NSMCE2: variants seen among roughly 807,000 people sequenced by gnomAD.
The protein encoded by NSMCE2 is E3 SUMO-protein ligase NSE2.
In NSMCE2, 24 loss-of-function variants were observed where a neutral mutation model predicts 23.8. That is an observed-to-expected ratio of 1.01 (90% CI 0.73 to 1.42). NSMCE2 has a LOEUF of 1.42. NSMCE2 is among the 40% of genes most tolerant of loss of function. The probability of loss-of-function intolerance (pLI) is 0.00; values close to 1 mark genes in which losing one functional copy is unlikely to be tolerated. For synonymous variants in NSMCE2, 92 were observed against 94.1 expected (o/e 0.98, Z 0.13); for missense variants, 284 against 296.5 (o/e 0.96, Z 0.31).
chr8:125,105,329 A>T (rs563727141), intron 3 of NSMCE2, among the ~76,000 whole-genome samples: 1 of 152,154 alleles, frequency 6.6e-6, no homozygotes, highest in East Asian at 1.9e-4. Context: ...TTTAGCTTTG[A>T]TAGATAGGCC....
intron 3 of NSMCE2, among the ~76,000 whole-genome samples, chr8:125,120,338 C>A (rs1243634385): frequency 6.6e-6 from 1 of 152,162 alleles, no homozygotes; most frequent in South Asian, 2.1e-4. Flanking sequence ...TCAAACCAGT[C>A]GGTAAAACGA....
chr8:125,271,841 T>C (rs1360715315), intron 5 of NSMCE2, among the ~76,000 whole-genome samples: 1 of 152,208 alleles, frequency 6.6e-6, no homozygotes, highest in Non-Finnish European at 1.5e-5. Flanking sequence ...CTTAGCACTT[T>C]ATATCTTCAA....
In NSMCE2 at chr8:125,196,285, G is replaced by A. The variant is rs1823615855; in HGVS notation, c.418+14029G>A. Reference sequence around the variant, plus strand: ...TGTTACATAGGTATACATGTGCCATGTTGGTTTGCTGCACCCATCAACTCG... The same window carrying A: ...TGTTACATAGGTATACATGTGCCATATTGGTTTGCTGCACCCATCAACTCG... On this transcript the variant is annotated intron_variant, in intron 5 of 7. Transcript: ENST00000287437. Among the ~76,000 whole-genome samples the A allele has an allele frequency of 2.0e-5, 3 of 150,102 alleles. No individual in the cohort carries two copies. The South Asian group carries it at 6.3e-4, about 31-fold the overall frequency.
chr8:125,140,903 C>T (rs778085859), intron 3 of NSMCE2, among the ~76,000 whole-genome samples: 22 of 152,094 alleles, frequency 1.4e-4, no homozygotes, highest in Non-Finnish European at 2.8e-4. Context: ...TTCAGTCTAC[C>T]AGAGATTAGA....
At chr8:125,122,589 G>T (rs937031589) in intron 3 of NSMCE2, among the ~76,000 whole-genome samples, 5 of 151,984 alleles carry the variant, frequency 3.3e-5, no homozygotes, top group African/African-American at 9.7e-5. Context: ...TGCTTTGAGG[G>T]CACCAATTCA....
chr8:125,242,636 AC>A (rs1825805736), intron 5 of NSMCE2, among the ~76,000 whole-genome samples: 1 of 152,094 alleles, frequency 6.6e-6, no homozygotes, highest in Non-Finnish European at 1.5e-5. Flanking sequence ...GCTCACAAAT[AC>A]CCTTCAGCTT....
At chr8:125,117,292 G>C (rs1240224817) in intron 3 of NSMCE2, among the ~76,000 whole-genome samples, 1 of 151,906 alleles carries the variant, frequency 6.6e-6, no homozygotes, top group African/African-American at 2.4e-5. Context: ...CATGATCTCG[G>C]CTCACTGCAA....
intron 4 of NSMCE2, among the ~76,000 whole-genome samples, chr8:125,171,579 A>G (rs180939624): frequency 4.1e-4 from 62 of 152,348 alleles, no homozygotes; most frequent in Middle Eastern, 6.8e-3. Context: ...TACCTTGCCA[A>G]TAATAAATAG....
At chr8:125,257,532 T>G (rs1196966428) in intron 5 of NSMCE2, among the ~76,000 whole-genome samples, 2 of 107,006 alleles carry the variant, frequency 1.9e-5, no homozygotes, top group African/African-American at 8.1e-5. Context: ...CTTTTTTTTT[T>G]TTTTTTTTTT....
chr8:125,240,250 G>A (rs902749300), intron 5 of NSMCE2, among the ~76,000 whole-genome samples: 6 of 151,298 alleles, frequency 4.0e-5, no homozygotes, highest in African/African-American at 1.2e-4. Flanking sequence ...TCAGCCTCCC[G>A]AGTAGCTGGG....
intron 3 of NSMCE2, among the ~76,000 whole-genome samples, chr8:125,135,463 C>T (rs1820017599): frequency 6.6e-6 from 1 of 152,106 alleles, no homozygotes; most frequent in Admixed American, 6.6e-5. Context: ...CTTTATCTAA[C>T]CCAAGTTCCC....
chr8:125,301,319 G>A (rs1048981950), intron 5 of NSMCE2, among the ~76,000 whole-genome samples: 1 of 152,140 alleles, frequency 6.6e-6, no homozygotes, highest in Non-Finnish European at 1.5e-5. Context: ...CATCTAACCC[G>A]AGGTTTCCCT....
At chr8:125,185,291 C>T (rs761213408) in intron 5 of NSMCE2, among the ~76,000 whole-genome samples, 1 of 151,818 alleles carries the variant, frequency 6.6e-6, no homozygotes, top group Non-Finnish European at 1.5e-5. Flanking sequence ...CTTCTGCTCC[C>T]ATTACATTTT....
intron 5 of NSMCE2, among the ~76,000 whole-genome samples, chr8:125,195,677 C>T (rs566853784): frequency 6.6e-6 from 1 of 152,174 alleles, no homozygotes; most frequent in Non-Finnish European, 1.5e-5. Context: ...GCTCATGGAG[C>T]TTACATTCTG....
chr8:125,201,754 C>T (rs1186166808), intron 5 of NSMCE2, among the ~76,000 whole-genome samples: 2 of 152,198 alleles, frequency 1.3e-5, no homozygotes, highest in African/African-American at 2.4e-5. Context: ...TTTAAGTCTG[C>T]GAAAGTTTCT....
In NSMCE2 at chr8:125,186,393, T is replaced by A. The variant is rs138333851; in HGVS notation, c.418+4137T>A. Among the ~76,000 whole-genome samples the A allele has an allele frequency of 4.9e-3, 751 of 152,326 alleles. 3 individuals are homozygous for A. Among genetic ancestry groups the A allele is most frequent in the African/African-American group, 0.017 (716 of 41,566 alleles). ...TATATTCAGAAGTAACGGCAGTTTT[T>A]ATTTTTTTAATTTTATATTTTTTCC... On this transcript the variant is annotated intron_variant, in intron 5 of 7. Coordinates refer to ENST00000287437, the MANE Select transcript of NSMCE2 (RefSeq NM_173685.4).
At chr8:125,260,166 A>G (rs952884341) in intron 5 of NSMCE2, among the ~76,000 whole-genome samples, 1 of 152,234 alleles carries the variant, frequency 6.6e-6, no homozygotes, top group Admixed American at 6.5e-5. Context: ...ATTGGGTTTC[A>G]AATCAAGAAA....
At chr8:125,115,400 C>T (rs1300988492) in intron 3 of NSMCE2, among the ~76,000 whole-genome samples, 1 of 152,188 alleles carries the variant, frequency 6.6e-6, no homozygotes, top group Admixed American at 6.5e-5. Flanking sequence ...TTTTCTCCAC[C>T]AGTGAGATTC....
intron 3 of NSMCE2, among the ~76,000 whole-genome samples, chr8:125,127,330 A>G (rs140950402): frequency 1.0e-3 from 158 of 152,296 alleles, no homozygotes; most frequent in African/African-American, 3.8e-3. Context: ...TTGGGGGAGT[A>G]CATGATAGTA....
Sources: allele counts gnomAD v4.1 joint callset (sites outside exome capture counted in the v4.1 genomes callset), GRCh38; gene constraint gnomAD v4.1.1; transcripts MANE v1.5; gene names NCBI Gene and HGNC (gene_info 2026-07-23, HGNC 2026-07-21).